Variants in SGCD observed in about 807,000 individuals in gnomAD.
SGCD encodes delta-sarcoglycan.
In SGCD, 18 loss-of-function variants were observed where a neutral mutation model predicts 36.6. The observed-to-expected ratio is 0.49, with a 90% CI of 0.34 to 0.73. The LOEUF is 0.73. SGCD is among the 30% of genes least tolerant of loss of function. The pLI, the probability that SGCD is intolerant of heterozygous loss-of-function variation, is 0.01. For missense variants in SGCD, 387 were observed against 346.7 expected (o/e 1.12, Z -0.92); for synonymous variants, 133 against 130.6 (o/e 1.02, Z -0.12).
chr5:156,068,352 T>G (rs1378067103), intron 1 of SGCD, among the ~76,000 whole-genome samples: 1 of 151,880 alleles, frequency 6.6e-6, no homozygotes, highest in African/African-American at 2.4e-5. Flanking sequence ...AATTCCCACT[T>G]ATGAGTGAGA....
chr5:156,047,524 A>G (rs1484126371), intron 1 of SGCD, among the ~76,000 whole-genome samples: 1 of 152,170 alleles, frequency 6.6e-6, no homozygotes, highest in African/African-American at 2.4e-5. Context: ...GCCCTTAAGA[A>G]TGAGGCTAAA....
chr5:155,913,784 G>T (rs758345764), intron 1 of SGCD, among the ~76,000 whole-genome samples: 11 of 152,310 alleles, frequency 7.2e-5, no homozygotes, highest in Non-Finnish European at 1.3e-4. Flanking sequence ...AAATGTGGCT[G>T]ATTTTGGCAG....
intron 1 of SGCD, among the ~76,000 whole-genome samples, chr5:156,017,736 G>T (rs530539105): frequency 1.3e-5 from 2 of 151,926 alleles, no homozygotes; most frequent in Non-Finnish European, 2.9e-5. Flanking sequence ...GAATCATATT[G>T]TCTTATTTTA....
At chr5:155,796,474 C>T in the SGCD span, among the ~76,000 whole-genome samples, 1 of 151,532 alleles carries the variant, frequency 6.6e-6, no homozygotes, top group African/African-American at 2.4e-5. Flanking sequence ...AAGTTATAGC[C>T]TTAAGTTCAC....
At chr5:155,756,461 C>T in the SGCD span, among the ~76,000 whole-genome samples, 1 of 152,098 alleles carries the variant, frequency 6.6e-6, no homozygotes, top group Non-Finnish European at 1.5e-5. Flanking sequence ...CCATCACATC[C>T]CCCAAATTGT....
intron 4 of SGCD, among the ~76,000 whole-genome samples, chr5:156,551,354 A>G (rs1758784212): frequency 6.6e-6 from 1 of 151,536 alleles, no homozygotes; most frequent in South Asian, 2.1e-4. Flanking sequence ...TGTCTATCTC[A>G]TCACAACCCT....
At chr5:155,765,723 A>G in the SGCD span, among the ~76,000 whole-genome samples, 2 of 152,152 alleles carry the variant, frequency 1.3e-5, no homozygotes, top group African/African-American at 2.4e-5. Context: ...GAGTAATTAA[A>G]AAAACAAAAA....
the SGCD span, among the ~76,000 whole-genome samples, chr5:155,813,209 A>G: frequency 2.6e-5 from 4 of 152,212 alleles, no homozygotes; most frequent in South Asian, 8.3e-4. Flanking sequence ...GATGCTATGT[A>G]GCAAGCTTAG....
chr5:156,547,651 C>A (rs1216017375), intron 4 of SGCD, among the ~76,000 whole-genome samples: 1 of 152,030 alleles, frequency 6.6e-6, no homozygotes, highest in African/African-American at 2.4e-5. Flanking sequence ...ACCATGTTAG[C>A]CAGGATGGTC....
intron 7 of SGCD, among the ~76,000 whole-genome samples, chr5:156,648,013 A>T (rs533144549): frequency 5.9e-5 from 9 of 152,292 alleles, no homozygotes; most frequent in African/African-American, 1.9e-4. Context: ...AAATATTCAT[A>T]AATGTGCTGC....
the SGCD span, among the ~76,000 whole-genome samples, chr5:155,737,887 G>A: frequency 6.6e-6 from 1 of 152,122 alleles, no homozygotes; most frequent in East Asian, 1.9e-4. Flanking sequence ...TATGGGTTTG[G>A]CGGTGGGAAC....
chr5:155,819,286 A>G, the SGCD span, among the ~76,000 whole-genome samples: 1 of 152,206 alleles, frequency 6.6e-6, no homozygotes, highest in Non-Finnish European at 1.5e-5. Context: ...TTTGTATTTT[A>G]GCTTTTAAAT....
chr5:155,734,469 C>T, the SGCD span, among the ~76,000 whole-genome samples: 2 of 152,080 alleles, frequency 1.3e-5, no homozygotes, highest in Admixed American at 6.6e-5. Context: ...TCCTTGGCCT[C>T]GCAAAGTTTT....
chr5:156,080,486 G>T (rs1478431480), intron 1 of SGCD, among the ~76,000 whole-genome samples: 2 of 152,076 alleles, frequency 1.3e-5, no homozygotes, highest in Non-Finnish European at 2.9e-5. Flanking sequence ...AACATTTTTT[G>T]ATCTGCTTCC....
At chr5:156,197,750 CTCTT>C (rs1446960035) in intron 3 of SGCD, among the ~76,000 whole-genome samples, 1 of 151,924 alleles carries the variant, frequency 6.6e-6, no homozygotes, top group Admixed American at 6.6e-5. Context: ...CAAATTCTTT[CTCTT>C]TGATTCATTA....
the SGCD span, among the ~76,000 whole-genome samples, chr5:155,822,679 A>G: frequency 6.6e-6 from 1 of 152,218 alleles, no homozygotes; most frequent in Non-Finnish European, 1.5e-5. Context: ...TAATAGTGTC[A>G]TAAGTTGAAT....
intron 1 of SGCD, among the ~76,000 whole-genome samples, chr5:155,969,883 T>C (rs1160675231): frequency 6.6e-6 from 1 of 152,114 alleles, no homozygotes; most frequent in African/African-American, 2.4e-5. Flanking sequence ...TGCTAATCGT[T>C]CGACAAAAGA....
At chr5:156,124,475 G>A (rs991958436) in intron 3 of SGCD, among the ~76,000 whole-genome samples, 10 of 152,100 alleles carry the variant, frequency 6.6e-5, no homozygotes, top group African/African-American at 2.4e-4. Context: ...TAGGGGAGTT[G>A]TCTTTGTATT....
At position 156,742,609 on chromosome 5, in the gene SGCD, T is replaced by G. The variant is rs147681090; in HGVS notation, c.576-14972T>G. Among the ~76,000 whole-genome samples the G allele has an allele frequency of 6.8e-3, 1,030 of 152,248 alleles. 5 individuals are homozygous for G. The highest frequency in any genetic ancestry group is 0.012 in the Non-Finnish European group (786 of 68,006). ...TTAGAGAAACAGAAAAAACTGGACA[T>G]AGATTTACTATAAGAAATTGACTCA... On this transcript the variant is annotated intron_variant, in intron 7 of 8. Transcript: ENST00000337851.
Sources: gnomAD v4.1 joint callset for allele counts (sites outside exome capture counted in the v4.1 genomes callset) on GRCh38, gnomAD v4.1.1 for gene constraint, MANE v1.5 for transcripts, NCBI Gene and HGNC (gene_info 2026-07-23, HGNC 2026-07-21) for gene names.